Variants in STARD3NL observed in about 807,000 individuals in gnomAD.
STARD3NL encodes the protein STARD3 N-terminal-like protein.
In STARD3NL, 17 loss-of-function variants were observed where a neutral mutation model predicts 30.9. That is an observed-to-expected ratio of 0.55 (90% confidence interval 0.38 to 0.82). The LOEUF is 0.82. STARD3NL is among the 40% of genes least tolerant of loss of function. The pLI, the probability that STARD3NL is intolerant of heterozygous loss-of-function variation, is 0.00. For synonymous variants in STARD3NL, 112 were observed against 100.5 expected (o/e 1.11, Z -0.69); for missense variants, 234 against 277.6 (o/e 0.84, Z 1.12).
intron 1 of STARD3NL, among the ~76,000 whole-genome samples, chr7:38,199,883 G>C (rs1286235638): frequency 1.3e-5 from 2 of 152,132 alleles, no homozygotes; most frequent in Non-Finnish European, 2.9e-5. Context: ...TTTATAACTT[G>C]ATTGTGTATG....
chr7:38,186,000 G>A (rs769258672), intron 1 of STARD3NL, among the ~76,000 whole-genome samples: 4 of 152,132 alleles, frequency 2.6e-5, no homozygotes, highest in East Asian at 1.9e-4. Flanking sequence ...AGTAAGTATC[G>A]AAGGAATGAC....
At chr7:38,213,519 G>T (rs1583816017) in intron 2 of STARD3NL, among the ~76,000 whole-genome samples, 1 of 152,128 alleles carries the variant, frequency 6.6e-6, no homozygotes, top group African/African-American at 2.4e-5. Context: ...TCTTATCCAG[G>T]TCTCTGGTTA....
chr7:38,209,778 C>A (rs1785694547), intron 2 of STARD3NL, among the ~76,000 whole-genome samples: 1 of 152,156 alleles, frequency 6.6e-6, no homozygotes, highest in Admixed American at 6.5e-5. Flanking sequence ...TCTCTCCTTT[C>A]TGTTTTGTCC....
chr7:38,213,223 T>C (rs983322169), intron 2 of STARD3NL, among the ~76,000 whole-genome samples: 12 of 152,130 alleles, frequency 7.9e-5, no homozygotes, highest in African/African-American at 2.7e-4. Flanking sequence ...TGAGACTAAA[T>C]GGTTGGGTGT....
intron 1 of STARD3NL, among the ~76,000 whole-genome samples, chr7:38,202,890 A>G (rs1466673824): frequency 2.0e-5 from 3 of 151,842 alleles, no homozygotes; most frequent in Admixed American, 1.3e-4. Context: ...ATGTCCCTAC[A>G]AAGGACATGA....
chr7:38,221,775 T>C (rs1287558450), intron 7 of STARD3NL, among the ~76,000 whole-genome samples: 2 of 152,198 alleles, frequency 1.3e-5, no homozygotes, highest in Non-Finnish European at 2.9e-5. Context: ...CTGTCACCAG[T>C]TGTCTAGCTT....
intron 1 of STARD3NL, among the ~76,000 whole-genome samples, chr7:38,196,699 A>G (rs1200931945): frequency 6.6e-6 from 1 of 152,196 alleles, no homozygotes; most frequent in Non-Finnish European, 1.5e-5. Flanking sequence ...TAAATGCCTT[A>G]TAGAATTTTT....
intron 1 of STARD3NL, among the ~76,000 whole-genome samples, chr7:38,184,667 A>G (rs893802628): frequency 6.8e-6 from 1 of 146,308 alleles, no homozygotes; most frequent in African/African-American, 2.5e-5. Context: ...AGTATATAAT[A>G]TATACTATAT....
chr7:38,201,150 T>C (rs1785158204), intron 1 of STARD3NL, among the ~76,000 whole-genome samples: 1 of 152,228 alleles, frequency 6.6e-6, no homozygotes, highest in South Asian at 2.1e-4. Flanking sequence ...CTCTCCTTTT[T>C]ACAACTTCCC....
chr7:38,195,097 G>C (rs1234222817), intron 1 of STARD3NL, among the ~76,000 whole-genome samples: 1 of 152,120 alleles, frequency 6.6e-6, no homozygotes. Context: ...TTGCTCTGTA[G>C]ACCAGGCTGG....
chr7:38,202,368 G>A (rs565793290), intron 1 of STARD3NL, among the ~76,000 whole-genome samples: 7 of 152,290 alleles, frequency 4.6e-5, no homozygotes, highest in African/African-American at 1.7e-4. Flanking sequence ...AGAAAAGAAA[G>A]GGAAAGGCTG....
chr7:38,210,886 T>TA (rs1785762418), intron 2 of STARD3NL, among the ~76,000 whole-genome samples: 1 of 152,220 alleles, frequency 6.6e-6, no homozygotes, highest in African/African-American at 2.4e-5. Flanking sequence ...TAATTTGACT[T>TA]AGAGCTGTCG....
chr7:38,223,226 A>G (rs1301917277), intron 7 of STARD3NL, among the ~76,000 whole-genome samples: 1 of 152,226 alleles, frequency 6.6e-6, no homozygotes, highest in African/African-American at 2.4e-5. Flanking sequence ...GAATTTTAGT[A>G]CCACAGGGAT....
chr7:38,208,999 AT>A (rs1246040776), intron 2 of STARD3NL, among the ~76,000 whole-genome samples: 1 of 152,204 alleles, frequency 6.6e-6, no homozygotes, highest in Non-Finnish European at 1.5e-5. Context: ...AGACAGTTAC[AT>A]TAGAAAATAA....
chr7:38,227,956 A>G (rs957030153), intron 7 of STARD3NL, among the ~76,000 whole-genome samples: 3 of 152,138 alleles, frequency 2.0e-5, no homozygotes, highest in African/African-American at 7.2e-5. Context: ...ATATCCAGAA[A>G]AATATATAAA....
chr7:38,225,373 T>C (rs1235977879), intron 7 of STARD3NL, among the ~76,000 whole-genome samples: 1 of 152,198 alleles, frequency 6.6e-6, no homozygotes, highest in East Asian at 1.9e-4. Flanking sequence ...TGTTCTCTTA[T>C]GGATAATATA....
intron 1 of STARD3NL, among the ~76,000 whole-genome samples, chr7:38,205,287 C>T (rs1333482778): frequency 6.6e-6 from 1 of 152,180 alleles, no homozygotes; most frequent in Non-Finnish European, 1.5e-5. Context: ...GCTTATCCAC[C>T]ATGATCAATT....
At chr7:38,178,867 A>AC (rs1249520040) in intron 1 of STARD3NL, among the ~76,000 whole-genome samples, 1 of 151,044 alleles carries the variant, frequency 6.6e-6, no homozygotes, top group Non-Finnish European at 1.5e-5. Flanking sequence ...TCGTGTTCAA[A>AC]AAAAAAAAAA....
At chr7:38,192,944 GT>G (rs200353298) in intron 1 of STARD3NL, among the ~76,000 whole-genome samples, 1 of 150,964 alleles carries the variant, frequency 6.6e-6, no homozygotes, top group Non-Finnish European at 1.5e-5. Flanking sequence ...ATTGTTGTTG[GT>G]TTTTTTTTAT....
Sources: gnomAD v4.1 joint callset for allele counts (sites outside exome capture counted in the v4.1 genomes callset) on GRCh38, gnomAD v4.1.1 for gene constraint, MANE v1.5 for transcripts, NCBI Gene and HGNC (gene_info 2026-07-23, HGNC 2026-07-21) for gene names.